The following DGKH variants were observed in gnomAD, a reference collection of about 807,000 sequenced individuals.
DGKH encodes diacylglycerol kinase eta, also known as DAG kinase eta.
A neutral mutation model predicts 159.3 loss-of-function variants in DGKH; 90 were observed. The observed-to-expected ratio is 0.57, with a 90% CI of 0.48 to 0.67. The LOEUF is 0.67. Ranked by LOEUF, DGKH falls within the 30% of genes least tolerant of loss-of-function variation. DGKH has a pLI of 0.00. For missense variants in DGKH, 1,181 were observed against 1,506.1 expected, an observed-to-expected ratio of 0.78 and a Z score of 3.57; for synonymous variants, 536 against 553.8, an observed-to-expected ratio of 0.97 and a Z score of 0.45.
chr13:42,048,706 A>G lies in DGKH; in HGVS notation c.-68A>G, dbSNP rs1200560632. 3.3e-6 allele frequency: 4 copies of G among 1,211,752 alleles called. No homozygotes were observed. Among genetic ancestry groups the G allele is most frequent in the Non-Finnish European group, 4.1e-6 (4 of 968,756 alleles). The allele number at this position is 1,211,752 out of a possible 1,614,324, so 75.1% of individuals were successfully genotyped here. A position where few individuals can be genotyped will look rare whatever the true frequency, so the allele number is the denominator to read the frequency against. ...GGGGTTCCGGGCTCCGCTCGGGCAG[A>G]GCCCACCCGCTGACCAACGCCGCCG... is the stretch of plus-strand genomic sequence containing the variant. On this transcript the variant is annotated 5_prime_UTR_variant, in exon 1 of 30. Transcript: ENST00000337343. The surrounding 1 kb of genome is among the most constrained non-coding windows in gnomAD (Gnocchi z 6.7).
rs542972288 is a variant in DGKH at position 42,090,400 on chromosome 13, C to T, written c.193-37063C>T. 5.9e-5 allele frequency among the ~76,000 whole-genome samples: 9 copies of T among 152,086 alleles called. No individual in the cohort carries two copies. In the South Asian group the frequency reaches 1.9e-3, roughly 32 times the overall value. The stretch of plus-strand genomic sequence containing the variant: ...CATTTTTTTCATAAATAGAAAAATA[C>T]GTTCTAAATTTCATGTAGAATCTCA... On this transcript the variant is annotated intron_variant, in intron 1 of 29. Transcript: ENST00000337343.
intron 23 of DGKH, among the ~76,000 whole-genome samples, chr13:42,210,385 C>A (rs1321032641): frequency 1.3e-5 from 2 of 152,100 alleles, no homozygotes; most frequent in African/African-American, 4.8e-5. Flanking sequence ...TGACCTAAAT[C>A]TCTTTTTTAA....
At chr13:42,040,993 C>G (rs898177971) in intron 1 of DGKH, among the ~76,000 whole-genome samples, 19 of 151,548 alleles carry the variant, frequency 1.3e-4, no homozygotes, top group African/African-American at 2.9e-4. Flanking sequence ...TTGCTCCCCC[C>G]GCCCGGGCCG....
intron 11 of DGKH, among the ~76,000 whole-genome samples, chr13:42,172,214 C>T (rs148120392): frequency 0.015 from 2,213 of 152,054 alleles, 55 homozygotes; most frequent in African/African-American, 0.048. Context: ...CACATTCAAG[C>T]GATACTCCTG....
chr13:42,058,212 G>A (rs1881898326), intron 1 of DGKH, among the ~76,000 whole-genome samples: 1 of 152,162 alleles, frequency 6.6e-6, no homozygotes, highest in South Asian at 2.1e-4. Flanking sequence ...TAACATCGTT[G>A]ATAGATTCAT....
chr13:42,147,147 T>A (rs1015906562), intron 3 of DGKH, among the ~76,000 whole-genome samples: 1 of 151,748 alleles, frequency 6.6e-6, no homozygotes, highest in African/African-American at 2.4e-5. Flanking sequence ...GAATGTGGAG[T>A]TACTGATTTG....
At chr13:42,177,419 A>T (rs1345562090) in intron 12 of DGKH, among the ~76,000 whole-genome samples, 1 of 152,182 alleles carries the variant, frequency 6.6e-6, no homozygotes, top group Admixed American at 6.5e-5. Context: ...GCAATTTGTC[A>T]TCTATTCTAC....
intron 1 of DGKH, among the ~76,000 whole-genome samples, chr13:42,051,511 G>A (rs1881298545): frequency 6.6e-6 from 1 of 152,172 alleles, no homozygotes; most frequent in Non-Finnish European, 1.5e-5. Flanking sequence ...TTGGTTCCCA[G>A]TCTTCAATTA....
chr13:42,106,936 C>T (rs1187179381), intron 1 of DGKH, among the ~76,000 whole-genome samples: 6 of 152,192 alleles, frequency 3.9e-5, no homozygotes, highest in East Asian at 3.9e-4. Flanking sequence ...CACAGCTACT[C>T]GGAAGGTTGA....
intron 1 of DGKH, among the ~76,000 whole-genome samples, chr13:42,056,147 A>G (rs1881739636): frequency 6.6e-6 from 1 of 152,252 alleles, no homozygotes; most frequent in African/African-American, 2.4e-5. Flanking sequence ...AAATGATTTT[A>G]AAGTGGTCAA....
chr13:42,251,330 C>T (rs1958618743), intron 29 of DGKH, among the ~76,000 whole-genome samples: 1 of 152,068 alleles, frequency 6.6e-6, no homozygotes, highest in South Asian at 2.1e-4. Flanking sequence ...ACAAAAATTA[C>T]CTGGGCATGG....
intron 1 of DGKH, among the ~76,000 whole-genome samples, chr13:42,108,781 A>T (rs1157631323): frequency 6.6e-6 from 1 of 152,244 alleles, no homozygotes; most frequent in Non-Finnish European, 1.5e-5. Context: ...ATAGGCTGTA[A>T]TTGGAAATAG....
chr13:42,221,933 TTC>T (rs1957984301), intron 29 of DGKH, among the ~76,000 whole-genome samples: 1 of 152,230 alleles, frequency 6.6e-6, no homozygotes. Context: ...CAAATTTCCT[TTC>T]TATGACATAT....
chr13:42,050,407 A>G (rs1340713739), intron 1 of DGKH, among the ~76,000 whole-genome samples: 1 of 152,148 alleles, frequency 6.6e-6, no homozygotes, highest in Admixed American at 6.6e-5. Flanking sequence ...TATTTTCTGA[A>G]ATACATGTGT....
chr13:42,148,619 A>G (rs1476304342), intron 3 of DGKH, among the ~76,000 whole-genome samples: 1 of 152,152 alleles, frequency 6.6e-6, no homozygotes, highest in East Asian at 1.9e-4. Flanking sequence ...TAAAATGAGT[A>G]TCTGGTTTGT....
chr13:42,185,981 T>C (rs558731866), intron 13 of DGKH, among the ~76,000 whole-genome samples: 101 of 143,016 alleles, frequency 7.1e-4, no homozygotes, highest in African/African-American at 2.4e-3. Context: ...AGTGTGTGTG[T>C]CTGTTGGGGG....
intron 1 of DGKH, among the ~76,000 whole-genome samples, chr13:42,057,651 A>G (rs906870054): frequency 1.3e-5 from 2 of 152,178 alleles, no homozygotes; most frequent in Non-Finnish European, 1.5e-5. Flanking sequence ...AGAAATATCT[A>G]TGGTGTTCCA....
chr13:42,123,224 A>G (rs562773168), intron 1 of DGKH, among the ~76,000 whole-genome samples: 11 of 152,174 alleles, frequency 7.2e-5, no homozygotes, highest in Non-Finnish European at 1.5e-4. Flanking sequence ...ATGTTCCTCT[A>G]ATAGTTTATC....
At chr13:42,107,635 TGTGAACA>T (rs1594036934) in intron 1 of DGKH, among the ~76,000 whole-genome samples, 3 of 152,228 alleles carry the variant, frequency 2.0e-5, no homozygotes, top group Non-Finnish European at 1.5e-5. Flanking sequence ...GTGATTGTCT[TGTGAACA>T]GTGGGGGACT....
Sources: gnomAD v4.1 joint callset for allele counts (sites outside exome capture counted in the v4.1 genomes callset) on GRCh38, gnomAD v4.1.1 for gene constraint, Gnocchi (gnomAD v3.1) non-coding constraint, MANE v1.5 for transcripts, NCBI Gene and HGNC (gene_info 2026-07-23, HGNC 2026-07-21) for gene names.